FAM8A1: variants seen among roughly 807,000 people sequenced by gnomAD.
The protein encoded by FAM8A1 is protein FAM8A1.
FAM8A1 carries 18 observed loss-of-function variants against 38.3 expected under a neutral mutation model. The ratio of observed to expected loss-of-function variants is 0.47; its 90% CI spans 0.33 to 0.70. The LOEUF is 0.70. Ranked by LOEUF, FAM8A1 falls within the 30% of genes least tolerant of loss-of-function variation. The pLI is 0.03. For synonymous variants in FAM8A1, 246 were observed against 234.4 expected (o/e 1.05, Z -0.45); for missense variants, 559 against 559.6 (o/e 1.00, Z 0.01).
At chr6:17,602,474 T>C (rs1763997623) in intron 1 of FAM8A1, 116 bp from the exon 2 acceptor site, 2 of 1,002,192 alleles carry the variant, frequency 2.0e-6, no homozygotes, top group East Asian at 4.9e-5. Flanking sequence ...CGGTTATAAA[T>C]ATTTTTTATT....
chr6:17,610,290 A>G lies in FAM8A1; in HGVS notation c.*1951A>G, dbSNP rs1239061842. On this transcript the variant is annotated 3_prime_UTR_variant, in exon 5 of 5. Transcript: ENST00000259963. ...TTTGCCATCGAGATTATTTTCATTT[A>G]TACTATAAAACAAAAGCAAACTAGT... 6.6e-6 allele frequency: 1 copy of G among 152,136 alleles called. No homozygotes were observed. Among genetic ancestry groups the G allele is most frequent in the Non-Finnish European group, 1.5e-5 (1 of 67,994 alleles). The allele number at this position is 152,136 out of a possible 1,614,324, so 9.4% of individuals were successfully genotyped here. A position where few individuals can be genotyped will look rare whatever the true frequency, so the allele number is the denominator to read the frequency against.
rs991867807 is a variant in FAM8A1 at position 17,602,494 on chromosome 6, C to T, written c.713-96C>T. 80 of 1,245,576 alleles carry T rather than the reference C, an allele frequency of 6.4e-5. No individual in the cohort carries two copies. The East Asian group carries it at 1.5e-3, about 23-fold the overall frequency. 77.2% of individuals were successfully genotyped at this position (1,245,576 alleles called of 1,614,324 possible). The stretch of plus-strand genomic sequence containing the variant: ...ATAAATATTTTTTATTAAGTTGTAC[C>T]TTGACTTTCTTTAGCAATTCATTAC... On this transcript the variant is annotated intron_variant, in intron 1 of 4. Coordinates refer to ENST00000259963, the MANE Select transcript of FAM8A1 (RefSeq NM_016255.3).
chr6:17,604,907 G>A lies in FAM8A1; in HGVS notation c.835G>A (p.Asp279Asn). Residue 279 changes from aspartate to asparagine, a missense_variant and splice_region_variant, in exon 3 of 5, where the codon GAT becomes AAT. Transcript: ENST00000259963. Reference protein sequence around the residue: ...LSIMHLSGIKDISKFAMHYII... With the variant: ...LSIMHLSGIKNISKFAMHYII... ...ACCCCAAACTATTATTTTGTGTAGG[G>A]ATATCTCTAAGTTTGCTATGCATTA... is the stretch of plus-strand genomic sequence containing the variant. 1 of 1,582,208 alleles carries A rather than the reference G, an allele frequency of 6.3e-7. No individual in the cohort carries two copies. Among genetic ancestry groups the A allele is most frequent in the Non-Finnish European group, 8.6e-7 (1 of 1,164,736 alleles).
At position 17,610,580 on chromosome 6, in the gene FAM8A1, C is replaced by T. The variant is rs1209664212; in HGVS notation, c.*2241C>T. 1 of 152,028 alleles carries T rather than the reference C, an allele frequency of 6.6e-6. No homozygotes were observed. Among genetic ancestry groups the T allele is most frequent in the Non-Finnish European group, 1.5e-5 (1 of 67,970 alleles). The allele number at this position is 152,028 out of a possible 1,614,324, so 9.4% of individuals were successfully genotyped here. A position where few individuals can be genotyped will look rare whatever the true frequency, so the allele number is the denominator to read the frequency against. ...AACAACGAGGGAAGAAGGAACCAGA[C>T]CTTAGTGCCACATATTTTTCTCTTG... On this transcript the variant is annotated 3_prime_UTR_variant, in exon 5 of 5. Transcript: ENST00000259963.
chr6:17,607,722 T>C (rs1455817889), intron 4 of FAM8A1, among the ~76,000 whole-genome samples: 4 of 152,186 alleles, frequency 2.6e-5, no homozygotes, highest in Non-Finnish European at 4.4e-5. Flanking sequence ...TCCTGAGTGA[T>C]TGTTGAAAGC....
chr6:17,600,969 C>G lies in FAM8A1; in HGVS notation c.560C>G (p.Pro187Arg), dbSNP rs890232595. The change falls in exon 1 of 5, where the codon CCG becomes CGG. Residue 187 changes from proline (P) to arginine (R), a missense_variant. By Grantham distance (103) the Pro-to-Arg change is moderately radical. Transcript: ENST00000259963. ...FLSPGAAGPD[P>R]RTAAGISTPA... ...AGCCCCGGGGCCGCGGGGCCTGACC[C>G]GCGGACAGCTGCCGGCATCAGCACC... The G allele has an allele frequency of 6.3e-6, 10 of 1,594,626 alleles. No homozygotes were observed. Among genetic ancestry groups the G allele is most frequent in the Non-Finnish European group, 7.7e-6 (9 of 1,172,530 alleles).
rs1581638588 is a variant in FAM8A1 at position 17,600,658 on chromosome 6, C to T, written c.249C>T (p.Ser83=). The T allele has an allele frequency of 1.9e-6, 3 of 1,565,040 alleles. No individual in the cohort carries two copies. Among genetic ancestry groups the T allele is most frequent in the South Asian group, 1.1e-5 (1 of 86,990 alleles). Residue 83 remains serine, a synonymous_variant, in exon 1 of 5, where the codon TCC becomes TCT. Transcript: ENST00000259963. ...AGCGCGGGGAGGCGGCCTCCGGCTCCGGTGCAGAGCTGCAGGAGCAGGCGG... is the reference window on the plus strand; with the variant it reads ...AGCGCGGGGAGGCGGCCTCCGGCTCTGGTGCAGAGCTGCAGGAGCAGGCGG... ...LRKRGEAASG[S]GAELQEQAGC...
Position 17,600,896 on chromosome 6 carries a change from G to A in FAM8A1, c.487G>A (p.Ala163Thr), listed in dbSNP as rs1334081044. ...CGGCGCTGCAGTCCCCCAGGCCGCG[G>A]CGCCGCCGCCCCCGCAGCTGGGCTA... Reference protein sequence around the residue: ...SGGAAVPQAAAPPPPQLGYYN... With the variant: ...SGGAAVPQAATPPPPQLGYYN... Residue 163 changes from alanine to threonine, a missense_variant, in exon 1 of 5, where the codon GCG becomes ACG. Coordinates refer to ENST00000259963, the MANE Select transcript of FAM8A1 (RefSeq NM_016255.3). The A allele has an allele frequency of 3.8e-6, 6 of 1,595,438 alleles. No homozygotes were observed. Among genetic ancestry groups the A allele is most frequent in the Non-Finnish European group, 5.1e-6 (6 of 1,174,160 alleles).
At chr6:17,601,288 T>G (rs780031397) in intron 1 of FAM8A1, among the ~76,000 whole-genome samples, 167 bp downstream of exon 1, 11 of 152,178 alleles carry the variant, frequency 7.2e-5, no homozygotes, top group Non-Finnish European at 1.5e-4. Flanking sequence ...ATTCCCAAAA[T>G]GTACAAGGAG....
chr6:17,603,958 C>G (rs567331709), intron 2 of FAM8A1, among the ~76,000 whole-genome samples: 16 of 152,224 alleles, frequency 1.1e-4, no homozygotes, highest in Admixed American at 3.9e-4. Context: ...CAGAAGCCTT[C>G]TAGTGGTAAC....
At chr6:17,607,468 C>CTATAGGTAG (rs1554134086) in intron 4 of FAM8A1, among the ~76,000 whole-genome samples, 2 of 141,542 alleles carry the variant, frequency 1.4e-5, no homozygotes, top group African/African-American at 5.3e-5. Context: ...TAGGTAGTCT[C>CTATAGGTAG]TATCTATATA....
Position 17,609,949 on chromosome 6 carries a change from G to T in FAM8A1, c.*1610G>T, listed in dbSNP as rs536514248. 6.6e-6 allele frequency: 1 copy of T among 151,930 alleles called. No homozygotes were observed. Among genetic ancestry groups the T allele is most frequent in the Non-Finnish European group, 1.5e-5 (1 of 67,974 alleles). The allele number at this position is 151,930 out of a possible 1,614,324, so 9.4% of individuals were successfully genotyped here. On this transcript the variant is annotated 3_prime_UTR_variant, in exon 5 of 5. Transcript: ENST00000259963. ...ATTTTAGTACAAAATTTCATAAACC[G>T]TGTTTTTCAAAATAAGTTTATGTCA... is the stretch of plus-strand genomic sequence containing the variant.
At chr6:17,601,311 C>T (rs925046974) in intron 1 of FAM8A1, among the ~76,000 whole-genome samples, 190 bp downstream of exon 1, 1 of 152,238 alleles carries the variant, frequency 6.6e-6, no homozygotes, top group African/African-American at 2.4e-5. Flanking sequence ...AATACAGTTT[C>T]TTCTTCCTTT....
chr6:17,600,980 G>T lies in FAM8A1; in HGVS notation c.571G>T (p.Ala191Ser). ...CGCGGGGCCTGACCCGCGGACAGCT[G>T]CCGGCATCAGCACCCCTGCTCCAGT... ...GAAGPDPRTA[A>S]GISTPAPVAG... Residue 191 changes from alanine (A) to serine (S), a missense_variant, in exon 1 of 5, where the codon GCC becomes TCC. Physicochemically the swap from Ala to Ser is moderately conservative, Grantham distance 99 (BLOSUM62 1). Coordinates refer to ENST00000259963, the MANE Select transcript of FAM8A1 (RefSeq NM_016255.3). The T allele has an allele frequency of 6.3e-7, 1 of 1,593,060 alleles. No homozygotes were observed. The highest frequency in any genetic ancestry group is 1.7e-5 in the Admixed American group (1 of 57,380).
At position 17,606,014 on chromosome 6, in the gene FAM8A1, G is replaced by GT. The variant is rs748343756; in HGVS notation, c.1097+2dup. ...CTTCCTCAAATGTTAGCATTACAACGTAAGTCCTTTTCTTAGCTTAATCTA... is the reference window on the plus strand; with the variant it reads ...CTTCCTCAAATGTTAGCATTACAACGTTAAGTCCTTTTCTTAGCTTAATCTA... On this transcript the variant is annotated splice_donor_variant, in intron 4 of 4. Coordinates refer to ENST00000259963, the MANE Select transcript of FAM8A1 (RefSeq NM_016255.3). LOFTEE classifies it high-confidence loss of function. The GT allele has an allele frequency of 6.5e-7, 1 of 1,533,686 alleles. No homozygotes were observed. The highest frequency in any genetic ancestry group is 1.2e-5 in the South Asian group (1 of 80,748).
Position 17,602,680 on chromosome 6 carries a change from T to C in FAM8A1, c.803T>C (p.Val268Ala), listed in dbSNP as rs779081519. 3 of 1,613,032 alleles carry C rather than the reference T, an allele frequency of 1.9e-6. No individual in the cohort carries two copies. The part of the protein sequence containing the change: ...FILFFIKATI[V>A]LSIMHLSGIK... ...CTCTTCTTTATAAAAGCAACCATTGTCTTAAGCATTATGCACCTCAGTGGG... is the reference window on the plus strand; with the variant it reads ...CTCTTCTTTATAAAAGCAACCATTGCCTTAAGCATTATGCACCTCAGTGGG... The change falls in exon 2 of 5, where the codon GTC (valine) becomes GCC (alanine). Residue 268 changes from valine to alanine, a missense_variant. Transcript: ENST00000259963.
intron 3 of FAM8A1, 88 bp from the exon 4 acceptor site, chr6:17,605,786 A>T (rs181145994): frequency 1.5e-5 from 20 of 1,324,638 alleles, no homozygotes; most frequent in Non-Finnish European, 2.0e-5. Context: ...TGAAAAATTT[A>T]AAACATGAAA....
chr6:17,610,905 A>C lies in FAM8A1; in HGVS notation c.*2566A>C, dbSNP rs1170254953. 1 of 152,152 alleles carries C rather than the reference A, an allele frequency of 6.6e-6. No individual in the cohort carries two copies. Among genetic ancestry groups the C allele is most frequent in the Non-Finnish European group, 1.5e-5 (1 of 67,994 alleles). The allele number at this position is 152,152 out of a possible 1,614,324, so 9.4% of individuals were successfully genotyped here. A position where few individuals can be genotyped will look rare whatever the true frequency, so the allele number is the denominator to read the frequency against. On this transcript the variant is annotated 3_prime_UTR_variant, in exon 5 of 5. Coordinates refer to ENST00000259963, the MANE Select transcript of FAM8A1 (RefSeq NM_016255.3). ...CCAGTAAAATTATCCTGAGTAGCTAATGCACCTTGAGAAAAATCTGGCATA... is the reference window on the plus strand; with the variant it reads ...CCAGTAAAATTATCCTGAGTAGCTACTGCACCTTGAGAAAAATCTGGCATA...
chr6:17,607,321 G>A (rs967177211), intron 4 of FAM8A1, among the ~76,000 whole-genome samples: 2 of 150,478 alleles, frequency 1.3e-5, no homozygotes, highest in Non-Finnish European at 2.9e-5. Flanking sequence ...TTTAATAAGA[G>A]TCAGTAATGG....
Sources: allele counts gnomAD v4.1 joint callset (sites outside exome capture counted in the v4.1 genomes callset), GRCh38; gene constraint gnomAD v4.1.1; transcripts MANE v1.5; gene names NCBI Gene and HGNC (gene_info 2026-07-23, HGNC 2026-07-21).